PDE4D: variants seen among roughly 807,000 people sequenced by gnomAD.
PDE4D encodes the protein phosphodiesterase 4D, also known as 3',5'-cyclic-AMP phosphodiesterase 4D.
In PDE4D, 24 loss-of-function variants were observed where a neutral mutation model predicts 87.4. The ratio of observed to expected loss-of-function variants is 0.27; its 90% CI spans 0.20 to 0.39. The LOEUF (loss-of-function observed/expected upper bound fraction) is 0.39, where lower values mean the gene tolerates loss of function less well. PDE4D is among the 10% of genes least tolerant of loss of function. PDE4D has a pLI of 1.00. For missense variants in PDE4D, 714 were observed against 1,041.0 expected (o/e 0.69, Z 4.32); for synonymous variants, 384 against 383.2 (o/e 1.00, Z -0.02).
At chr5:59,132,744 G>A (rs1042261913) in intron 5 of PDE4D, among the ~76,000 whole-genome samples, 41 of 152,150 alleles carry the variant, frequency 2.7e-4, no homozygotes, top group African/African-American at 9.7e-4. Flanking sequence ...ATTGTGGGAA[G>A]TAGCATTCAT....
chr5:59,979,477 T>C (rs1399001213), intron 3 of PDE4D, among the ~76,000 whole-genome samples: 2 of 150,630 alleles, frequency 1.3e-5, no homozygotes, highest in African/African-American at 4.9e-5. Context: ...CACAACTGTT[T>C]AGGAATTACG....
chr5:59,504,669 A>G (rs1808905869), intron 1 of PDE4D, among the ~76,000 whole-genome samples: 1 of 152,098 alleles, frequency 6.6e-6, no homozygotes, highest in African/African-American at 2.4e-5. Flanking sequence ...AAGAAAGCCC[A>G]TGTGTTCTCT....
At chr5:60,496,100 G>GCC (rs1749803775) in intron 1 of PDE4D, among the ~76,000 whole-genome samples, 1 of 152,142 alleles carries the variant, frequency 6.6e-6, no homozygotes, top group African/African-American at 2.4e-5. Context: ...GCCAATGTGG[G>GCC]CCCTCTGCAG....
chr5:59,671,394 G>A (rs1324174183), intron 1 of PDE4D, among the ~76,000 whole-genome samples: 1 of 152,138 alleles, frequency 6.6e-6, no homozygotes, highest in East Asian at 1.9e-4. Flanking sequence ...TAAGCTTGGG[G>A]TGAGTAGCAG....
rs116168096 is a variant in PDE4D at position 59,181,934 on chromosome 5, T to C, written c.759-1290A>G. 1.5e-3 allele frequency among the ~76,000 whole-genome samples: 233 copies of C among 152,226 alleles called. 1 individual carries two copies. Among genetic ancestry groups the C allele is most frequent in the African/African-American group, 5.4e-3 (224 of 41,534 alleles). On this transcript the variant is annotated intron_variant, in intron 4 of 14. Transcript: ENST00000340635. The stretch of plus-strand genomic sequence containing the variant: ...CTTCAAATATGCCTTGCTGAGATGA[T>C]GAATTTCTTAGCAGGGTGGGGGAAA...
At chr5:60,102,626 C>G (rs1428769138) in intron 2 of PDE4D, among the ~76,000 whole-genome samples, 2 of 152,094 alleles carry the variant, frequency 1.3e-5, no homozygotes, top group Non-Finnish European at 2.9e-5. Flanking sequence ...ACATTATTCA[C>G]ACTGATAGAG....
At position 60,329,869 on chromosome 5, in the gene PDE4D, T is replaced by C. The variant is rs373922231; in HGVS notation, c.-89-144182A>G. ...TGACCAAAGCCTGCAGTTGTAAAGA[T>C]AGAAGCAGAAATGAGGTATAACTGA... On this transcript the variant is annotated intron_variant, in intron 1 of 16. Coordinates refer to the PDE4D transcript ENST00000502484. Among the ~76,000 whole-genome samples, 13 of 152,320 alleles carry C rather than the reference T, an allele frequency of 8.5e-5. No individual in the cohort carries two copies. The South Asian group carries it at 1.9e-3, about 22-fold the overall frequency.
intron 1 of PDE4D, among the ~76,000 whole-genome samples, chr5:59,227,508 A>C (rs2153514820): frequency 6.6e-6 from 1 of 152,286 alleles, no homozygotes; most frequent in South Asian, 2.1e-4. Flanking sequence ...ACCTGACAAA[A>C]GTCTAATACC....
At chr5:60,436,897 T>G (rs566342242) in intron 1 of PDE4D, among the ~76,000 whole-genome samples, 8 of 152,168 alleles carry the variant, frequency 5.3e-5, no homozygotes, top group Admixed American at 1.3e-4. Flanking sequence ...TCCCTTTACC[T>G]AAAGGGAGCA....
At chr5:60,344,521 T>C (rs1380601647) in intron 1 of PDE4D, among the ~76,000 whole-genome samples, 1 of 152,152 alleles carries the variant, frequency 6.6e-6, no homozygotes, top group East Asian at 1.9e-4. Flanking sequence ...CCATAAAGCC[T>C]TTCTGATTCT....
intron 1 of PDE4D, among the ~76,000 whole-genome samples, chr5:59,771,499 GAAGAAAGAAAGA>G (rs779235734): frequency 2.5e-4 from 5 of 19,728 alleles, no homozygotes; most frequent in Non-Finnish European, 3.6e-4. Context: ...GAGAGAGAGA[GAAGAAAGAAAGA>G]AAGAAAGAAA....
chr5:59,627,137 G>A (rs1479943968), intron 1 of PDE4D, among the ~76,000 whole-genome samples: 2 of 152,164 alleles, frequency 1.3e-5, no homozygotes, highest in Non-Finnish European at 2.9e-5. Context: ...TTAGAGTCTA[G>A]TCCTTCCAGT....
chr5:59,824,938 C>A (rs1770144043), intron 1 of PDE4D, among the ~76,000 whole-genome samples: 1 of 152,166 alleles, frequency 6.6e-6, no homozygotes, highest in Non-Finnish European at 1.5e-5. Flanking sequence ...GAGGTGTCCT[C>A]TTTCTTTGTC....
intron 1 of PDE4D, among the ~76,000 whole-genome samples, chr5:60,360,509 C>T (rs1299949745): frequency 1.3e-5 from 2 of 152,218 alleles, no homozygotes; most frequent in Non-Finnish European, 2.9e-5. Context: ...TACCACCACA[C>T]ACATCTGCTA....
intron 1 of PDE4D, among the ~76,000 whole-genome samples, chr5:60,216,652 A>G (rs147310454): frequency 1.3e-5 from 2 of 152,284 alleles, no homozygotes; most frequent in East Asian, 3.9e-4. Context: ...TTATGCTAAT[A>G]TAAGACAAAA....
intron 1 of PDE4D, among the ~76,000 whole-genome samples, chr5:59,566,034 T>C (rs531069410): frequency 7.2e-4 from 109 of 152,320 alleles, no homozygotes; most frequent in African/African-American, 1.0e-3. Context: ...CACATGCATA[T>C]GAGTGGGTGG....
At chr5:58,988,861 T>C (rs1382739054) in intron 10 of PDE4D, among the ~76,000 whole-genome samples, 1 of 152,094 alleles carries the variant, frequency 6.6e-6, no homozygotes, top group African/African-American at 2.4e-5. Flanking sequence ...ACTCTGAAAT[T>C]ATTTTAAAAG....
At chr5:60,195,769 G>A (rs1656689973) in intron 1 of PDE4D, among the ~76,000 whole-genome samples, 1 of 151,738 alleles carries the variant, frequency 6.6e-6, no homozygotes, top group Admixed American at 6.6e-5. Context: ...CCCCCGAGGA[G>A]GCAGTAAATG....
At chr5:59,355,423 A>G (rs1781223392) in intron 1 of PDE4D, among the ~76,000 whole-genome samples, 1 of 152,156 alleles carries the variant, frequency 6.6e-6, no homozygotes, top group African/African-American at 2.4e-5. Flanking sequence ...TCTAGTGATG[A>G]AGAGAGCCTA....
Sources: allele counts gnomAD v4.1 joint callset (sites outside exome capture counted in the v4.1 genomes callset), GRCh38; gene constraint gnomAD v4.1.1; transcripts MANE v1.5; gene names NCBI Gene and HGNC (gene_info 2026-07-23, HGNC 2026-07-21).